LST1: variants seen among roughly 807,000 people sequenced by gnomAD.
LST1 encodes the protein leukocyte specific transcript 1.
LST1 carries 9 observed loss-of-function variants against 8.5 expected under a neutral mutation model. The observed-to-expected ratio is 1.06, with a 90% CI of 0.64 to 1.85. The LOEUF is 1.85. LST1 is among the 40% of genes most tolerant of loss of function. The pLI, the probability that LST1 is intolerant of heterozygous loss-of-function variation, is 0.00. For synonymous variants in LST1, 53 were observed against 50.4 expected, an observed-to-expected ratio of 1.05 and a Z score of -0.21; for missense variants, 121 against 117.1, an observed-to-expected ratio of 1.03 and a Z score of -0.16.
In LST1 at chr6:31,587,652, T is replaced by A; in HGVS notation, c.31T>A (p.Tyr11Asn). MLSRNDDICI[Y>N]GGLGLGGLLL... ...CCTCTTCCCTGAAGATATATGTATC[T>A]ACGGGGGCCTGGGGCTGGGCGGGCT... is the stretch of plus-strand genomic sequence containing the variant. Residue 11 changes from tyrosine to asparagine, a missense_variant, in exon 3 of 5, where the codon TAC (tyrosine) becomes AAC (asparagine). Transcript: ENST00000438075. The A allele has an allele frequency of 6.2e-7, 1 of 1,600,878 alleles. No homozygotes were observed. The highest frequency in any genetic ancestry group is 1.1e-5 in the South Asian group (1 of 88,962).
In LST1 at chr6:31,588,783, C is replaced by A; in HGVS notation, c.*107C>A. ...CTTCTGTGTCTCAGTCCTCTCAGTCCATCTCGAGCCTCCGTTCAAATTGAT... is the reference window on the plus strand; with the variant it reads ...CTTCTGTGTCTCAGTCCTCTCAGTCAATCTCGAGCCTCCGTTCAAATTGAT... On this transcript the variant is annotated 3_prime_UTR_variant, in exon 5 of 5. Coordinates refer to ENST00000438075, the MANE Select transcript of LST1 (RefSeq NM_205839.3). 8.0e-7 allele frequency: 1 copy of A among 1,248,758 alleles called. No individual in the cohort carries two copies. Among genetic ancestry groups the A allele is most frequent in the Non-Finnish European group, 1.2e-6 (1 of 851,306 alleles). 77.4% of individuals were successfully genotyped at this position (1,248,758 alleles called of 1,614,324 possible).
intron 3 of LST1, 57 bp downstream of exon 3, chr6:31,587,790 C>G: frequency 6.7e-7 from 1 of 1,497,952 alleles, no homozygotes; most frequent in East Asian, 2.4e-5. Flanking sequence ...CCCCCACCCC[C>G]ACACGCTTTC....
chr6:31,587,545 T>C lies in LST1; in HGVS notation c.20-96T>C, dbSNP rs17207148. The C allele has an allele frequency of 6.3e-3, 5,243 of 837,220 alleles. 46 individuals are homozygous for C. Among genetic ancestry groups the C allele is most frequent in the Middle Eastern group, 0.032 (135 of 4,280 alleles). 51.9% of individuals were successfully genotyped at this position (837,220 alleles called of 1,614,324 possible). ...GTATATTTTTCTGCCTCTAAAACTG[T>C]TGGAGAGGGAATCTGAGAAAGCTGC... On this transcript the variant is annotated intron_variant, in intron 2 of 4. Coordinates refer to ENST00000438075, the MANE Select transcript of LST1 (RefSeq NM_205839.3).
intron 4 of LST1, 91 bp from the exon 5 acceptor site, chr6:31,588,423 GGAGA>G: frequency 8.9e-7 from 1 of 1,118,308 alleles, no homozygotes; most frequent in Non-Finnish European, 1.3e-6. Context: ...AGAGAGAGAG[GGAGA>G]GAAGTAAGAA....
chr6:31,587,566 G>T lies in LST1; in HGVS notation c.20-75G>T. The T allele has an allele frequency of 3.1e-6, 3 of 966,714 alleles. 1 individual carries two copies. The highest frequency in any genetic ancestry group is 3.1e-5 in the South Asian group (2 of 64,764). The allele number at this position is 966,714 out of a possible 1,614,324, so 59.9% of individuals were successfully genotyped here. A position where few individuals can be genotyped will look rare whatever the true frequency, so the allele number is the denominator to read the frequency against. On this transcript the variant is annotated intron_variant, in intron 2 of 4. Coordinates refer to ENST00000438075, the MANE Select transcript of LST1 (RefSeq NM_205839.3). ...ACTGTTGGAGAGGGAATCTGAGAAAGCTGCAACCAACCAGGAGGCTGGGGT... is the reference window on the plus strand; with the variant it reads ...ACTGTTGGAGAGGGAATCTGAGAAATCTGCAACCAACCAGGAGGCTGGGGT...
At chr6:31,588,006 C>A (rs1225125401) in intron 4 of LST1, 40 bp downstream of exon 4, 5 of 1,578,056 alleles carry the variant, frequency 3.2e-6, no homozygotes, top group Non-Finnish European at 4.3e-6. Flanking sequence ...CAAGAGAGAT[C>A]CTGAGTGGGT....
intron 4 of LST1, 154 bp downstream of exon 4, chr6:31,588,120 GAGAA>G (rs1772162439): frequency 1.4e-6 from 1 of 728,060 alleles, no homozygotes; most frequent in South Asian, 2.2e-5. Flanking sequence ...CGAGGCAAAA[GAGAA>G]AGAGAAAATG....
chr6:31,586,753 G>T (rs1771967721), intron 1 of LST1: 1 of 154,694 alleles, frequency 6.5e-6, no homozygotes, highest in African/African-American at 2.4e-5. Flanking sequence ...ACCAGCCAAG[G>T]GGGCCCCCAC....
intron 4 of LST1, 162 bp from the exon 5 acceptor site, chr6:31,588,356 C>T: frequency 1.3e-6 from 1 of 748,890 alleles, no homozygotes; most frequent in South Asian, 1.9e-5. Flanking sequence ...CATAGTGGGA[C>T]TCTGTCTCCA....
chr6:31,587,881 G>C, intron 3 of LST1, 63 bp from the exon 4 acceptor site: 1 of 1,573,448 alleles, frequency 6.4e-7, no homozygotes, highest in Non-Finnish European at 8.6e-7. Context: ...GGTGGGGGGA[G>C]CCCGGGAGGG....
At chr6:31,588,394 GAGA>G in intron 4 of LST1, 121 bp from the exon 5 acceptor site, 1 of 929,912 alleles carries the variant, frequency 1.1e-6, no homozygotes, top group Non-Finnish European at 1.6e-6. Context: ...GAGAGAGAGA[GAGA>G]GAGAGGGAGA....
Position 31,588,837 on chromosome 6 carries a change from C to T in LST1, c.*161C>T. 1 of 926,154 alleles carries T rather than the reference C, an allele frequency of 1.1e-6. No homozygotes were observed. Among genetic ancestry groups the T allele is most frequent in the East Asian group, 2.6e-5 (1 of 38,176 alleles). 57.4% of individuals were successfully genotyped at this position (926,154 alleles called of 1,614,324 possible). A position where few individuals can be genotyped will look rare whatever the true frequency, so the allele number is the denominator to read the frequency against. ...CATCAAAACTTATGTGGCTTTTTGA[C>T]CTTTGAATAGGGAATTTTTTAAATT... is the stretch of plus-strand genomic sequence containing the variant. On this transcript the variant is annotated 3_prime_UTR_variant, in exon 5 of 5. Coordinates refer to ENST00000438075, the MANE Select transcript of LST1 (RefSeq NM_205839.3).
At position 31,588,770 on chromosome 6, in the gene LST1, A is replaced by G. The variant is rs1260258751; in HGVS notation, c.*94A>G. The G allele has an allele frequency of 3.0e-6, 4 of 1,330,306 alleles. No homozygotes were observed. Among genetic ancestry groups the G allele is most frequent in the East Asian group, 2.3e-5 (1 of 43,280 alleles). 82.4% of individuals were successfully genotyped at this position (1,330,306 alleles called of 1,614,324 possible). A position where few individuals can be genotyped will look rare whatever the true frequency, so the allele number is the denominator to read the frequency against. ...CATGGTCCCCCCACTTCTGTGTCTC[A>G]GTCCTCTCAGTCCATCTCGAGCCTC... On this transcript the variant is annotated 3_prime_UTR_variant, in exon 5 of 5. Coordinates refer to ENST00000438075, the MANE Select transcript of LST1 (RefSeq NM_205839.3).
At chr6:31,587,057 C>G (rs1771998547) in intron 1 of LST1, 143 bp from the exon 2 acceptor site, 1 of 590,296 alleles carries the variant, frequency 1.7e-6, no homozygotes, top group Non-Finnish European at 3.0e-6. Context: ...AATCTCGGGT[C>G]TTTACTTGGG....
At chr6:31,586,569 C>G (rs1771948814) in intron 1 of LST1, 1 of 152,238 alleles carries the variant, frequency 6.6e-6, no homozygotes, top group Non-Finnish European at 1.5e-5. Flanking sequence ...GTTTCCAGAC[C>G]CTAGTCAGTA....
In LST1 at chr6:31,587,693, G is replaced by A; in HGVS notation, c.72G>A (p.Val24=). 1 of 1,599,338 alleles carries A rather than the reference G, an allele frequency of 6.3e-7. No individual in the cohort carries two copies. Among genetic ancestry groups the A allele is most frequent in the Non-Finnish European group, 8.5e-7 (1 of 1,174,448 alleles). ...TGGGCGGGCTCCTGCTTCTGGCAGT[G>A]GTCCTTCTGTCCGCCTGCCTGTGTT... ...LGLGGLLLLA[V]VLLSACLCWL... Residue 24 remains valine (V), a synonymous_variant, in exon 3 of 5, where the codon GTG becomes GTA. Transcript: ENST00000438075.
intron 4 of LST1, 119 bp downstream of exon 4, chr6:31,588,085 G>C: frequency 1.9e-6 from 2 of 1,068,126 alleles, no homozygotes; most frequent in African/African-American, 1.6e-5. Flanking sequence ...AGAGAAAGTA[G>C]GAGCATGAGA....
Position 31,588,861 on chromosome 6 carries a change from T to G in LST1, c.*185T>G. The G allele has an allele frequency of 1.1e-6, 1 of 896,294 alleles. No homozygotes were observed. The highest frequency in any genetic ancestry group is 2.6e-4 in the Middle Eastern group (1 of 3,906). The allele number at this position is 896,294 out of a possible 1,614,324, so 55.5% of individuals were successfully genotyped here. A position where few individuals can be genotyped will look rare whatever the true frequency, so the allele number is the denominator to read the frequency against. The stretch of plus-strand genomic sequence containing the variant: ...ACCTTTGAATAGGGAATTTTTTAAA[T>G]TTTTTAAAAATTAAAATAAAAAAAA... On this transcript the variant is annotated 3_prime_UTR_variant, in exon 5 of 5. Transcript: ENST00000438075.
At chr6:31,587,429 A>G in intron 2 of LST1, 111 bp downstream of exon 2, 1 of 1,304,832 alleles carries the variant, frequency 7.7e-7, no homozygotes, top group East Asian at 2.3e-5. Flanking sequence ...CTCTGGGGAC[A>G]GCTGGTACAG....
Sources: allele counts gnomAD v4.1 joint callset, GRCh38; gene constraint gnomAD v4.1.1; transcripts MANE v1.5; gene names NCBI Gene and HGNC (gene_info 2026-07-23, HGNC 2026-07-21).